The following SPOCK3 variants were observed in gnomAD, a reference collection of about 807,000 sequenced individuals.
The protein encoded by SPOCK3 is SPARC (osteonectin), cwcv and kazal like domains proteoglycan 3.
SPOCK3 carries 30 observed loss-of-function variants against 56.6 expected under a neutral mutation model. The observed-to-expected ratio is 0.53, with a 90% confidence interval of 0.40 to 0.72. The LOEUF is 0.72. Ranked by LOEUF, SPOCK3 falls within the 30% of genes least tolerant of loss-of-function variation. The pLI, the probability that SPOCK3 is intolerant of heterozygous loss-of-function variation, is 0.00. For missense variants in SPOCK3, 527 were observed against 530.0 expected (o/e 0.99, Z 0.06); for synonymous variants, 196 against 183.3 (o/e 1.07, Z -0.56).
Position 167,180,925 on chromosome 4 carries a change from C to A in SPOCK3, c.189+53060G>T, listed in dbSNP as rs184110359. On this transcript the variant is annotated intron_variant, in intron 2 of 10. Coordinates refer to ENST00000357545, the MANE Select transcript of SPOCK3 (RefSeq NM_001040159.2). ...AATTTAAAAATATAGAAGTCATTTA[C>A]ATTAAAATTAAAATTATTTGGGTGT... 6.4e-4 allele frequency among the ~76,000 whole-genome samples: 98 copies of A among 152,200 alleles called. 1 individual carries two copies. The highest frequency in any genetic ancestry group is 6.3e-3 in the Admixed American group (97 of 15,286).
At chr4:166,754,801 C>T in intron 7 of SPOCK3, 72 bp from the exon 8 acceptor site, 1 of 1,403,250 alleles carries the variant, frequency 7.1e-7, no homozygotes, top group Non-Finnish European at 1.0e-6. Flanking sequence ...AATAAGTCAA[C>T]ATAGCAGGTA....
At chr4:166,893,864 A>T (rs1010478987) in intron 5 of SPOCK3, among the ~76,000 whole-genome samples, 3 of 152,112 alleles carry the variant, frequency 2.0e-5, no homozygotes, top group Non-Finnish European at 4.4e-5. Flanking sequence ...AGCATTCCTC[A>T]TATTCAGCTG....
chr4:167,083,457 T>C (rs79147797), intron 2 of SPOCK3, among the ~76,000 whole-genome samples: 3,839 of 152,234 alleles, frequency 0.025, 80 homozygotes, highest in Middle Eastern at 0.061. Context: ...CTATCTACAA[T>C]ATAGCTGAGT....
chr4:167,222,757 A>G (rs1736103571), intron 2 of SPOCK3, among the ~76,000 whole-genome samples: 1 of 129,544 alleles, frequency 7.7e-6, no homozygotes, highest in South Asian at 2.3e-4. Flanking sequence ...ATAGATATAT[A>G]TTGATATATG....
At chr4:167,127,273 C>T (rs939391828) in intron 2 of SPOCK3, among the ~76,000 whole-genome samples, 25 of 152,090 alleles carry the variant, frequency 1.6e-4, no homozygotes, top group African/African-American at 6.0e-4. Flanking sequence ...ACCAAAAACA[C>T]ACACACATAC....
chr4:167,109,421 AT>A (rs541712667), intron 2 of SPOCK3, among the ~76,000 whole-genome samples: 2 of 69,330 alleles, frequency 2.9e-5, no homozygotes, highest in East Asian at 3.9e-4. Context: ...ATATATATAA[AT>A]ATATATATGA....
chr4:167,189,400 A>T (rs145506101), intron 2 of SPOCK3, among the ~76,000 whole-genome samples: 1 of 145,886 alleles, frequency 6.9e-6, no homozygotes, highest in South Asian at 2.1e-4. Flanking sequence ...AATGCCATTC[A>T]TAAGTATTTA....
chr4:167,216,559 ATT>A (rs1357276329), intron 2 of SPOCK3, among the ~76,000 whole-genome samples: 1 of 152,068 alleles, frequency 6.6e-6, no homozygotes, highest in Non-Finnish European at 1.5e-5. Flanking sequence ...TATGCAAGCG[ATT>A]TGATTGGGAA....
At position 166,791,305 on chromosome 4, in the gene SPOCK3, C is replaced by T. The variant is rs181201805; in HGVS notation, c.709+865G>A. 1.2e-3 allele frequency among the ~76,000 whole-genome samples: 179 copies of T among 152,166 alleles called. 1 individual carries two copies. The highest frequency in any genetic ancestry group is 4.1e-3 in the African/African-American group (169 of 41,526). On this transcript the variant is annotated intron_variant, in intron 7 of 10. Coordinates refer to ENST00000357545, the MANE Select transcript of SPOCK3 (RefSeq NM_001040159.2). Reference sequence around the variant, plus strand: ...ATCTACAGAGGATTATCTTACTACACCATTTTGTTAGAAACTGCACTTTGA... The same window carrying T: ...ATCTACAGAGGATTATCTTACTACATCATTTTGTTAGAAACTGCACTTTGA...
chr4:166,941,745 C>T (rs1024558905), intron 4 of SPOCK3, among the ~76,000 whole-genome samples: 1 of 152,146 alleles, frequency 6.6e-6, no homozygotes, highest in Non-Finnish European at 1.5e-5. Flanking sequence ...TTGAATTACT[C>T]GCACTGAGGA....
At chr4:166,741,897 C>A in intron 9 of SPOCK3, 100 bp downstream of exon 9, 2 of 823,086 alleles carry the variant, frequency 2.4e-6, no homozygotes, top group South Asian at 3.2e-5. Context: ...AAATTTAGTG[C>A]AGTCTATCTT....
chr4:167,138,664 G>A (rs1457512508), intron 2 of SPOCK3, among the ~76,000 whole-genome samples: 1 of 151,954 alleles, frequency 6.6e-6, no homozygotes, highest in Non-Finnish European at 1.5e-5. Flanking sequence ...GAAAGGAGAA[G>A]TGAGAGCTTG....
At chr4:166,882,681 G>A (rs1164074532) in intron 6 of SPOCK3, 2 of 152,136 alleles carry the variant, frequency 1.3e-5, no homozygotes, top group African/African-American at 4.8e-5. Flanking sequence ...AGTAAAATTA[G>A]TAGGGAAGTT....
chr4:167,103,026 C>A (rs552475241), intron 2 of SPOCK3, among the ~76,000 whole-genome samples: 7 of 151,678 alleles, frequency 4.6e-5, no homozygotes, highest in Non-Finnish European at 7.4e-5. Context: ...TATAAGCCCA[C>A]CCCGTGGTAG....
At chr4:166,905,681 GA>G (rs1736531876) in intron 5 of SPOCK3, among the ~76,000 whole-genome samples, 1 of 151,746 alleles carries the variant, frequency 6.6e-6, no homozygotes, top group African/African-American at 2.4e-5. Context: ...AAAAAAGGAA[GA>G]AATAAACCTG....
At chr4:167,214,806 T>A (rs560074000) in intron 2 of SPOCK3, among the ~76,000 whole-genome samples, 2 of 152,038 alleles carry the variant, frequency 1.3e-5, no homozygotes, top group Non-Finnish European at 2.9e-5. Context: ...GTGAGAACCC[T>A]TTCTCTAGGT....
intron 7 of SPOCK3, among the ~76,000 whole-genome samples, chr4:166,769,359 G>A (rs888511838): frequency 1.3e-5 from 2 of 151,732 alleles, no homozygotes; most frequent in Non-Finnish European, 2.9e-5. Context: ...GTACAGATGG[G>A]GTTTTGGTGT....
chr4:167,002,207 C>A (rs534845693), intron 3 of SPOCK3, among the ~76,000 whole-genome samples: 1 of 152,238 alleles, frequency 6.6e-6, no homozygotes, highest in South Asian at 2.1e-4. Context: ...GATCCACCCA[C>A]CTTAGCCTCC....
chr4:166,895,780 A>T (rs1478252458), intron 5 of SPOCK3, among the ~76,000 whole-genome samples: 1 of 152,218 alleles, frequency 6.6e-6, no homozygotes, highest in African/African-American at 2.4e-5. Context: ...ATGCACTGGT[A>T]GCAACAGTAT....
Sources: gnomAD v4.1 joint callset for allele counts (sites outside exome capture counted in the v4.1 genomes callset) on GRCh38, gnomAD v4.1.1 for gene constraint, MANE v1.5 for transcripts, NCBI Gene and HGNC (gene_info 2026-07-23, HGNC 2026-07-21) for gene names.